KCNIP4: variants seen among roughly 807,000 people sequenced by gnomAD.
KCNIP4 encodes the protein Kv channel-interacting protein 4.
In KCNIP4, 12 loss-of-function variants were observed where a neutral mutation model predicts 34.0. That is an observed-to-expected ratio of 0.35 (90% CI 0.23 to 0.57). KCNIP4 has a LOEUF of 0.57. Ranked by LOEUF, KCNIP4 falls within the 20% of genes least tolerant of loss-of-function variation. The probability of loss-of-function intolerance (pLI) is 0.83; values close to 1 mark genes in which losing one functional copy is unlikely to be tolerated. For synonymous variants in KCNIP4, 124 were observed against 102.2 expected (o/e 1.21, Z -1.29); for missense variants, 238 against 311.7 (o/e 0.76, Z 1.78).
chr4:21,516,952 A>G (rs1380177826), intron 1 of KCNIP4, among the ~76,000 whole-genome samples: 2 of 152,170 alleles, frequency 1.3e-5, no homozygotes, highest in Non-Finnish European at 2.9e-5. Context: ...AGAATACCAA[A>G]GACTGGTGGA....
At chr4:21,589,933 A>C (rs559195468) in intron 1 of KCNIP4, among the ~76,000 whole-genome samples, 2 of 152,046 alleles carry the variant, frequency 1.3e-5, no homozygotes, top group Admixed American at 1.3e-4. Context: ...GATGTTTTAT[A>C]AGATATTCAT....
chr4:21,040,537 T>G (rs1304133672), intron 1 of KCNIP4, among the ~76,000 whole-genome samples: 1 of 152,208 alleles, frequency 6.6e-6, no homozygotes, highest in East Asian at 1.9e-4. Context: ...AAAATATTTT[T>G]AAAGTGCATT....
In KCNIP4 at chr4:21,639,194, T is replaced by A. The variant is rs1746431000; in HGVS notation, c.61+309377A>T. ...GAATTCTTTCATCAACTGTATTTGC[T>A]TCTATTTTCTTATGCTGCCAATCAA... On this transcript the variant is annotated intron_variant, in intron 1 of 8. Transcript: ENST00000382152. 2.0e-5 allele frequency among the ~76,000 whole-genome samples: 3 copies of A among 152,210 alleles called. No homozygotes were observed. In the South Asian group the frequency reaches 6.2e-4, roughly 31 times the overall value.
chr4:21,942,147 T>C (rs1460026615), intron 1 of KCNIP4, among the ~76,000 whole-genome samples: 2 of 152,194 alleles, frequency 1.3e-5, no homozygotes, highest in African/African-American at 4.8e-5. Flanking sequence ...GAAATGCACC[T>C]GAGGAAATGG....
chr4:21,766,217 A>G (rs955696313), intron 1 of KCNIP4, among the ~76,000 whole-genome samples: 3 of 152,152 alleles, frequency 2.0e-5, no homozygotes, highest in Non-Finnish European at 4.4e-5. Flanking sequence ...GGGGTTCTAC[A>G]AGGTTTATTC....
intron 1 of KCNIP4, among the ~76,000 whole-genome samples, chr4:21,376,983 G>A (rs1015561603): frequency 2.0e-5 from 3 of 152,118 alleles, no homozygotes; most frequent in Non-Finnish European, 4.4e-5. Context: ...ACGATCAAAC[G>A]AAGCTTATTT....
At chr4:21,577,353 C>T (rs1043883312) in intron 1 of KCNIP4, among the ~76,000 whole-genome samples, 1 of 152,056 alleles carries the variant, frequency 6.6e-6, no homozygotes, top group African/African-American at 2.4e-5. Flanking sequence ...ATTCCAGCTG[C>T]GCACTGTGGC....
chr4:21,219,890 A>T (rs149316640), intron 1 of KCNIP4, among the ~76,000 whole-genome samples: 1,768 of 152,274 alleles, frequency 0.012, 20 homozygotes, highest in Non-Finnish European at 0.018. Context: ...AATATTAAAA[A>T]CTTACTGAGT....
chr4:21,599,645 A>G (rs1440013822), intron 1 of KCNIP4, among the ~76,000 whole-genome samples: 2 of 152,108 alleles, frequency 1.3e-5, no homozygotes, highest in African/African-American at 2.4e-5. Context: ...TGCTTCTACT[A>G]CAAAGTGAAT....
chr4:21,821,640 C>A (rs1276654485), intron 1 of KCNIP4, among the ~76,000 whole-genome samples: 1 of 152,118 alleles, frequency 6.6e-6, no homozygotes, highest in African/African-American at 2.4e-5. Flanking sequence ...GTGGAATATG[C>A]AGTTAGATAA....
rs10539950 is a variant in KCNIP4, at chr4:21,647,863, C to CT, written c.61+300707dup. Among the ~76,000 whole-genome samples, 181 of 60,196 alleles carry CT rather than the reference C, an allele frequency of 3.0e-3. 29 individuals carry two copies. The highest frequency in any genetic ancestry group is 7.5e-3 in the African/African-American group (76 of 10,198). 39.5% of individuals were successfully genotyped at this position (60,196 alleles called of 152,430 possible). A position where few individuals can be genotyped will look rare whatever the true frequency, so the allele number is the denominator to read the frequency against. On this transcript the variant is annotated intron_variant, in intron 1 of 8. Coordinates refer to ENST00000382152, the MANE Select transcript of KCNIP4 (RefSeq NM_025221.6). ...TGGAAGACATTCTGCTACAATGATG[C>CT]TTTTTTTTTTTTTTTTTTTTTTTTT...
chr4:21,901,225 C>T (rs950318533), intron 1 of KCNIP4, among the ~76,000 whole-genome samples: 2 of 152,184 alleles, frequency 1.3e-5, no homozygotes, highest in Non-Finnish European at 2.9e-5. Context: ...TGGGAGTAGT[C>T]TGGCTGAAGG....
intron 1 of KCNIP4, among the ~76,000 whole-genome samples, chr4:21,757,973 T>C (rs1168974888): frequency 6.6e-6 from 1 of 152,178 alleles, no homozygotes; most frequent in Non-Finnish European, 1.5e-5. Context: ...AATTTGACCT[T>C]AGTATGCCTT....
chr4:20,749,882 TAGAGGACTAG>T, intron 4 of KCNIP4, 150 bp from the exon 5 acceptor site: 1 of 521,408 alleles, frequency 1.9e-6, no homozygotes, highest in South Asian at 3.2e-5. Flanking sequence ...CCTCTTTCTG[TAGAGGACTAG>T]AGTTTGAGAT....
intron 5 of KCNIP4, among the ~76,000 whole-genome samples, chr4:20,743,501 C>G (rs1466669399): frequency 6.6e-6 from 1 of 152,122 alleles, no homozygotes; most frequent in African/African-American, 2.4e-5. Flanking sequence ...ACAAACCTGA[C>G]AGAAACAAGC....
chr4:21,364,063 A>G (rs1719485033), intron 1 of KCNIP4, among the ~76,000 whole-genome samples: 1 of 152,312 alleles, frequency 6.6e-6, no homozygotes, highest in African/African-American at 2.4e-5. Flanking sequence ...TGTGAGCCTC[A>G]TAAGTTATCT....
chr4:21,607,642 C>T (rs1165818688), intron 1 of KCNIP4, among the ~76,000 whole-genome samples: 1 of 151,900 alleles, frequency 6.6e-6, no homozygotes, highest in East Asian at 2.0e-4. Flanking sequence ...GAGAGCTTCT[C>T]ACATATAAGC....
chr4:20,953,542 C>T (rs1277928539), intron 1 of KCNIP4, among the ~76,000 whole-genome samples: 1 of 152,018 alleles, frequency 6.6e-6, no homozygotes, highest in Non-Finnish European at 1.5e-5. Flanking sequence ...ATTAGCCTGG[C>T]ATGATGGTGG....
At chr4:21,616,241 T>A (rs1744597378) in intron 1 of KCNIP4, among the ~76,000 whole-genome samples, 1 of 152,184 alleles carries the variant, frequency 6.6e-6, no homozygotes, top group Non-Finnish European at 1.5e-5. Context: ...GATACCATTA[T>A]CTTCTTCAAA....
Sources: allele counts gnomAD v4.1 joint callset (sites outside exome capture counted in the v4.1 genomes callset), GRCh38; gene constraint gnomAD v4.1.1; transcripts MANE v1.5; gene names NCBI Gene and HGNC (gene_info 2026-07-23, HGNC 2026-07-21).